MED1: variants seen among roughly 807,000 people sequenced by gnomAD.
MED1 encodes mediator complex subunit 1.
A neutral mutation model predicts 121.3 loss-of-function variants in MED1; 17 were observed. That is an observed-to-expected ratio of 0.14 (90% confidence interval 0.10 to 0.21). The LOEUF (loss-of-function observed/expected upper bound fraction) is 0.21, where lower values mean the gene tolerates loss of function less well. Among genes scored for constraint, MED1 ranks in the 10% least tolerant of loss-of-function variants. MED1 has a pLI of 1.00. For missense variants in MED1, 1,558 were observed against 1,919.4 expected, an observed-to-expected ratio of 0.81 and a Z score of 3.52; for synonymous variants, 661 against 694.4, an observed-to-expected ratio of 0.95 and a Z score of 0.76.
intron 7 of MED1, among the ~76,000 whole-genome samples, chr17:39,433,941 C>T (rs2048594435): frequency 6.6e-6 from 1 of 152,034 alleles, no homozygotes; most frequent in Admixed American, 6.6e-5. Context: ...TAATAGAATC[C>T]CAGGTAGGTT....
chr17:39,434,237 A>G lies in MED1; in HGVS notation c.500+12T>C. ...TTTTACAAACAAAAGCAAAAATATT[A>G]AAAATACTTACTTGTCCCCTGGAAG... On this transcript the variant is annotated intron_variant, in intron 7 of 16. Coordinates refer to ENST00000300651, the MANE Select transcript of MED1 (RefSeq NM_004774.4). 6.6e-7 allele frequency: 1 copy of G among 1,510,190 alleles called. No individual in the cohort carries two copies. The allele number at this position is 1,510,190 out of a possible 1,614,324, so 93.5% of individuals were successfully genotyped here.
At chr17:39,436,810 C>T (rs1047477001) in intron 6 of MED1, among the ~76,000 whole-genome samples, 12 of 152,130 alleles carry the variant, frequency 7.9e-5, no homozygotes, top group Non-Finnish European at 1.5e-4. Flanking sequence ...ACTCCGTCAC[C>T]CAGGCTGGAA....
chr17:39,419,410 ATTT>A (rs375129052), intron 14 of MED1, among the ~76,000 whole-genome samples: 1 of 142,090 alleles, frequency 7.0e-6, no homozygotes, highest in Non-Finnish European at 1.5e-5. Flanking sequence ...ACATGTTTGA[ATTT>A]TTTTTTTTTT....
intron 2 of MED1, among the ~76,000 whole-genome samples, chr17:39,444,058 T>C (rs757965878): frequency 2.4e-4 from 36 of 152,150 alleles, no homozygotes; most frequent in Non-Finnish European, 4.4e-4. Context: ...ATGTAATACA[T>C]GAGATCTGCC....
chr17:39,408,904 G>A lies in MED1; in HGVS notation c.3317C>T (p.Ser1106Leu), dbSNP rs1365954184. ...SHHSHSSSSS[S>L]SASTSGKMKS... ...CATCTTCCCTGAGGTGGAAGCAGAT[G>A]AGGAAGAGGAGGAAGAATGGCTATG... Residue 1106 changes from serine to leucine, a missense_variant, in exon 17 of 17, where the codon TCA becomes TTA. Coordinates refer to ENST00000300651, the MANE Select transcript of MED1 (RefSeq NM_004774.4). The surrounding 1 kb of genome is among the most constrained non-coding windows in gnomAD (Gnocchi z 4.7). 6.2e-7 allele frequency: 1 copy of A among 1,614,158 alleles called. No individual in the cohort carries two copies. Among genetic ancestry groups the A allele is most frequent in the East Asian group, 2.2e-5 (1 of 44,884 alleles).
At chr17:39,444,989 G>A (rs1196561893) in intron 2 of MED1, among the ~76,000 whole-genome samples, 1 of 152,060 alleles carries the variant, frequency 6.6e-6, no homozygotes, top group Non-Finnish European at 1.5e-5. Flanking sequence ...ACAGTTTTCT[G>A]GTATAAGGAT....
At chr17:39,436,293 G>A (rs1026464839) in intron 6 of MED1, among the ~76,000 whole-genome samples, 5 of 151,006 alleles carry the variant, frequency 3.3e-5, no homozygotes, top group African/African-American at 7.3e-5. Context: ...CCCAGGAGGC[G>A]GAGCTTGCAG....
Position 39,407,666 on chromosome 17 carries a change from C to T in MED1, c.4555G>A (p.Asp1519Asn). ...DKDRDRDRDK[D>N]RDKKKSHSIK... ...CTATGAGATTTTTTCTTGTCTCGGTCTTTGTCCCGGTCTCGGTCCCTATCT... is the reference window on the plus strand; with the variant it reads ...CTATGAGATTTTTTCTTGTCTCGGTTTTTGTCCCGGTCTCGGTCCCTATCT... The change falls in exon 17 of 17, where the codon GAC becomes AAC. Residue 1519 changes from aspartate (D) to asparagine (N), a missense_variant. Asp to Asn is a conservative substitution (Grantham distance 23, BLOSUM62 1). This residue lies in a region of MED1 where 264 missense variants were observed against 326.1 expected (regional missense o/e 0.81). Transcript: ENST00000300651. 1 of 1,614,100 alleles carries T rather than the reference C, an allele frequency of 6.2e-7. No homozygotes were observed. Among genetic ancestry groups the T allele is most frequent in the Non-Finnish European group, 8.5e-7 (1 of 1,180,002 alleles).
At chr17:39,423,633 C>G in intron 12 of MED1, 64 bp downstream of exon 12, 4 of 1,605,628 alleles carry the variant, frequency 2.5e-6, no homozygotes, top group Non-Finnish European at 3.4e-6. Context: ...GTCATGATAA[C>G]CTGACTTTGA....
rs545592367 is a variant in MED1 at position 39,432,083 on chromosome 17, CTG to C, written c.501-69_501-68del. 597 of 1,198,902 alleles carry C rather than the reference CTG, an allele frequency of 5.0e-4. 4 individuals carry two copies. The African/African-American group carries it at 7.8e-3, about 16-fold the overall frequency. The allele number at this position is 1,198,902 out of a possible 1,614,324, so 74.3% of individuals were successfully genotyped here. The stretch of plus-strand genomic sequence containing the variant: ...ATATGACCAAGCGGGGTGGCTCAGC[CTG>C]TAATCCCAGCACCTTGGGAGGCTGA... On this transcript the variant is annotated intron_variant, in intron 7 of 16. Transcript: ENST00000300651.
rs1202443349 is a variant in MED1, at chr17:39,404,523, A to G, written c.*2952T>C. On this transcript the variant is annotated 3_prime_UTR_variant, in exon 17 of 17. Transcript: ENST00000300651. ...TCAAAATTTAAAGCTCAGTTCTTAT[A>G]GCTGAGCATGTTTCCCAATCTAGCT... The G allele has an allele frequency of 6.6e-6, 1 of 152,328 alleles. No individual in the cohort carries two copies. Among genetic ancestry groups the G allele is most frequent in the Non-Finnish European group, 1.5e-5 (1 of 68,030 alleles). The allele number at this position is 152,328 out of a possible 1,614,324, so 9.4% of individuals were successfully genotyped here.
intron 16 of MED1, among the ~76,000 whole-genome samples, chr17:39,414,807 C>T (rs531088987): frequency 1.3e-5 from 2 of 151,900 alleles, no homozygotes; most frequent in East Asian, 1.9e-4. Flanking sequence ...GTAGCTGGTA[C>T]TACATGTGCC....
At chr17:39,437,284 G>A (rs1204532166) in intron 6 of MED1, among the ~76,000 whole-genome samples, 1 of 152,122 alleles carries the variant, frequency 6.6e-6, no homozygotes, top group Non-Finnish European at 1.5e-5. Flanking sequence ...CGCCAGGCTG[G>A]CTAGGCTGGT....
chr17:39,416,515 T>A (rs1056844324), intron 14 of MED1, among the ~76,000 whole-genome samples: 1 of 152,226 alleles, frequency 6.6e-6, no homozygotes, highest in African/African-American at 2.4e-5. Flanking sequence ...TCTATAGGAT[T>A]AGCTCCATAA....
intron 2 of MED1, chr17:39,445,549 T>G (rs1017646645): frequency 3.3e-5 from 5 of 152,008 alleles, no homozygotes; most frequent in African/African-American, 1.2e-4. Flanking sequence ...CCAATAAAAT[T>G]AGGTTTCTGA....
intron 13 of MED1, among the ~76,000 whole-genome samples, chr17:39,422,185 G>A (rs931094207): frequency 6.6e-6 from 1 of 150,456 alleles, no homozygotes; most frequent in Non-Finnish European, 1.5e-5. Context: ...ATTTTTTTGA[G>A]ACGGAGTCTT....
intron 9 of MED1, among the ~76,000 whole-genome samples, chr17:39,430,000 T>C (rs2048550882): frequency 6.6e-6 from 1 of 152,034 alleles, no homozygotes; most frequent in Non-Finnish European, 1.5e-5. Flanking sequence ...GGGGGATTAT[T>C]TGGGCCCAGG....
intron 13 of MED1, among the ~76,000 whole-genome samples, chr17:39,422,683 C>T (rs935156812): frequency 2.0e-5 from 3 of 151,154 alleles, no homozygotes; most frequent in African/African-American, 7.3e-5. Context: ...ACCATGTTAT[C>T]CAGGCTGGTC....
Position 39,407,609 on chromosome 17 carries a change from T to C in MED1, c.4612A>G (p.Ile1538Val). 6.2e-7 allele frequency: 1 copy of C among 1,614,138 alleles called. No individual in the cohort carries two copies. Among genetic ancestry groups the C allele is most frequent in the South Asian group, 1.1e-5 (1 of 91,068 alleles). Reference sequence around the variant, plus strand: ...ATAGACAAGGACTGGTCTGAAGAGATGGGTGATTTGGACCAACTCTCTGGC... The same window carrying C: ...ATAGACAAGGACTGGTCTGAAGAGACGGGTGATTTGGACCAACTCTCTGGC... ...IKPESWSKSP[I>V]SSDQSLSMTS... The change falls in exon 17 of 17, where the codon ATC becomes GTC. Residue 1538 changes from isoleucine (I) to valine (V), a missense_variant. By Grantham distance (29) the Ile-to-Val change is conservative. Coordinates refer to ENST00000300651, the MANE Select transcript of MED1 (RefSeq NM_004774.4).
Sources: allele counts gnomAD v4.1 joint callset (sites outside exome capture counted in the v4.1 genomes callset), GRCh38; gene constraint gnomAD v4.1.1; regional missense constraint gnomAD v4.1.1; non-coding constraint Gnocchi (gnomAD v3.1); transcripts MANE v1.5; gene names NCBI Gene and HGNC (gene_info 2026-07-23, HGNC 2026-07-21).